The following CLEC7A variants were observed in gnomAD, a reference collection of about 807,000 sequenced individuals.
The protein encoded by CLEC7A is C-type lectin domain family 7 member A.
In CLEC7A, 25 loss-of-function variants were observed where a neutral mutation model predicts 26.9. The ratio of observed to expected loss-of-function variants is 0.93; its 90% CI spans 0.68 to 1.30. The LOEUF (loss-of-function observed/expected upper bound fraction) is 1.30. CLEC7A is among the 50% of genes most tolerant of loss of function. The pLI is 0.00. For missense variants in CLEC7A, 275 were observed against 286.7 expected, an observed-to-expected ratio of 0.96 and a Z score of 0.29; for synonymous variants, 100 against 99.5, an observed-to-expected ratio of 1.01 and a Z score of -0.03.
chr12:10,126,943 G>T, intron 2 of CLEC7A: 1 of 909,442 alleles, frequency 1.1e-6, no homozygotes, highest in Non-Finnish European at 1.5e-6. Flanking sequence ...GAAAAAAGAA[G>T]GTGGAGAAGA....
intron 2 of CLEC7A, chr12:10,126,944 G>A: frequency 1.1e-6 from 1 of 923,850 alleles, no homozygotes; most frequent in Non-Finnish European, 1.5e-6. Context: ...AAAAAAGAAG[G>A]TGGAGAAGAA....
chr12:10,118,595 T>TA lies in CLEC7A; in HGVS notation c.612-6dup. The TA allele has an allele frequency of 6.2e-7, 1 of 1,610,940 alleles. No homozygotes were observed. The highest frequency in any genetic ancestry group is 8.5e-7 in the Non-Finnish European group (1 of 1,178,048). On this transcript the variant is annotated splice_polypyrimidine_tract_variant and splice_region_variant and intron_variant, in intron 5 of 5. Coordinates refer to ENST00000304084, the MANE Select transcript of CLEC7A (RefSeq NM_197947.3). ...GCTGTGGTTCTGATCTGAAATCTGT[T>TA]AAAATAGAATACAGTGAGGTAATTA...
In CLEC7A at chr12:10,125,564, A is replaced by G. The variant is rs191029355; in HGVS notation, c.341-116T>C. On this transcript the variant is annotated intron_variant, in intron 3 of 5. Transcript: ENST00000304084. ...ATAACCAATTAGTTGCCATTTTTAT[A>G]TTTCATTGTCAATTCGAACTACAGG... is the stretch of plus-strand genomic sequence containing the variant. The G allele has an allele frequency of 1.1e-5, 8 of 758,390 alleles. No individual in the cohort carries two copies. The East Asian group carries it at 2.3e-4, about 22-fold the overall frequency. 47.0% of individuals were successfully genotyped at this position (758,390 alleles called of 1,614,324 possible).
At position 10,127,865 on chromosome 12, in the gene CLEC7A, A is replaced by G; in HGVS notation, c.104-20T>C. On this transcript the variant is annotated intron_variant, in intron 1 of 5. Coordinates refer to ENST00000304084, the MANE Select transcript of CLEC7A (RefSeq NM_197947.3). ...ACGATCCTGAGGAGCCAGAGGGGGCAGAAATGGAATAAAGAAAGAGAATGA... is the reference window on the plus strand; with the variant it reads ...ACGATCCTGAGGAGCCAGAGGGGGCGGAAATGGAATAAAGAAAGAGAATGA... The G allele has an allele frequency of 6.8e-7, 1 of 1,460,586 alleles. No individual in the cohort carries two copies. Among genetic ancestry groups the G allele is most frequent in the Non-Finnish European group, 9.3e-7 (1 of 1,078,778 alleles). 90.5% of individuals were successfully genotyped at this position (1,460,586 alleles called of 1,614,324 possible).
At chr12:10,119,129 G>A (rs1591939899) in intron 5 of CLEC7A, among the ~76,000 whole-genome samples, 1 of 152,188 alleles carries the variant, frequency 6.6e-6, no homozygotes, top group East Asian at 1.9e-4. Flanking sequence ...GACAGTTATG[G>A]AAATCAACAC....
intron 4 of CLEC7A, among the ~76,000 whole-genome samples, chr12:10,123,767 C>CAAA (rs372400404): frequency 3.2e-5 from 4 of 124,696 alleles, no homozygotes; most frequent in Non-Finnish European, 4.6e-5. Context: ...GACTCCGTCT[C>CAAA]AAAAAAAAAA....
Position 10,117,140 on chromosome 12 carries a change from A to G in CLEC7A, c.*1318T>C, listed in dbSNP as rs969932268. On this transcript the variant is annotated 3_prime_UTR_variant, in exon 6 of 6. Coordinates refer to ENST00000304084, the MANE Select transcript of CLEC7A (RefSeq NM_197947.3). ...TTCCAATGAGGTTGGTTACTTTTTT[A>G]TATTCATCATCAGATTTTATGTATT... 1 of 152,220 alleles carries G rather than the reference A, an allele frequency of 6.6e-6. No homozygotes were observed. The highest frequency in any genetic ancestry group is 1.5e-5 in the Non-Finnish European group (1 of 68,028). 9.4% of individuals were successfully genotyped at this position (152,220 alleles called of 1,614,324 possible).
At chr12:10,123,498 A>G (rs570695810) in intron 4 of CLEC7A, 135 bp from the exon 5 acceptor site, 48 of 630,222 alleles carry the variant, frequency 7.6e-5, no homozygotes, top group Non-Finnish European at 1.2e-4. Context: ...GCGGTGGCTC[A>G]CGCCTGTAAT....
chr12:10,123,427 C>A, intron 4 of CLEC7A, 64 bp from the exon 5 acceptor site: 1 of 1,017,684 alleles, frequency 9.8e-7, no homozygotes, highest in Non-Finnish European at 1.5e-6. Context: ...AAACTATTAT[C>A]ATGGACGCTG....
intron 3 of CLEC7A, 60 bp downstream of exon 3, chr12:10,126,511 C>A: frequency 6.5e-7 from 1 of 1,535,152 alleles, no homozygotes; most frequent in Non-Finnish European, 8.8e-7. Context: ...CTGCCCCAGG[C>A]TTCAGCACCA....
intron 5 of CLEC7A, among the ~76,000 whole-genome samples, chr12:10,119,447 TTAAATAAA>T (rs1414369382): frequency 6.6e-6 from 1 of 152,196 alleles, no homozygotes; most frequent in Non-Finnish European, 1.5e-5. Context: ...CACAGCTAGA[TTAAATAAA>T]TGCCACCCGG....
chr12:10,129,490 GA>G (rs2137471700), intron 1 of CLEC7A, among the ~76,000 whole-genome samples: 1 of 152,240 alleles, frequency 6.6e-6, no homozygotes, highest in African/African-American at 2.4e-5. Context: ...TAATTTTCAT[GA>G]AAAAAGGTTT....
chr12:10,128,378 A>T (rs74060579), intron 1 of CLEC7A, among the ~76,000 whole-genome samples: 7,674 of 152,132 alleles, frequency 0.05, 674 homozygotes, highest in African/African-American at 0.17. Flanking sequence ...CAATTGCTGG[A>T]ATTGTAATTT....
At chr12:10,125,043 A>G (rs768939207) in intron 4 of CLEC7A, 33 of 463,420 alleles carry the variant, frequency 7.1e-5, no homozygotes, top group Non-Finnish European at 1.1e-4. Flanking sequence ...TGAAAAATAC[A>G]AAAAAACATT....
rs1312148411 is a variant in CLEC7A, at chr12:10,126,638, G to T, written c.273C>A (p.Asn91Lys). ...NGYFLSRNKE[N>K]HSQPTQSSLE... Reference sequence around the variant, plus strand: ...AAGATGATTGTGTGGGTTGACTGTGGTTCTCTTTATTTCTTGATAGAAAGT... The same window carrying T: ...AAGATGATTGTGTGGGTTGACTGTGTTTCTCTTTATTTCTTGATAGAAAGT... The change falls in exon 3 of 6, where the codon AAC (asparagine) becomes AAA (lysine). Residue 91 changes from asparagine (N) to lysine (K), a missense_variant. Transcript: ENST00000304084. The T allele has an allele frequency of 1.2e-6, 2 of 1,612,754 alleles. No individual in the cohort carries two copies. The highest frequency in any genetic ancestry group is 2.7e-5 in the African/African-American group (2 of 74,816).
At chr12:10,124,100 A>T (rs909350631) in intron 4 of CLEC7A, among the ~76,000 whole-genome samples, 3 of 152,242 alleles carry the variant, frequency 2.0e-5, no homozygotes, top group African/African-American at 7.2e-5. Context: ...GTCCAACTGT[A>T]TATTTTATGA....
chr12:10,120,454 G>A (rs1948042095), intron 5 of CLEC7A, among the ~76,000 whole-genome samples: 1 of 152,074 alleles, frequency 6.6e-6, no homozygotes, highest in Non-Finnish European at 1.5e-5. Flanking sequence ...GGAAATATCA[G>A]TCTTAAGAAA....
chr12:10,120,763 T>TTTTTC (rs1591943737), intron 5 of CLEC7A, among the ~76,000 whole-genome samples: 2 of 149,624 alleles, frequency 1.3e-5, no homozygotes, highest in African/African-American at 4.9e-5. Context: ...TTTTCTTTTT[T>TTTTTC]TTTTTTTTTA....
At chr12:10,122,187 GCA>G (rs58931462) in intron 5 of CLEC7A, among the ~76,000 whole-genome samples, 4 of 151,828 alleles carry the variant, frequency 2.6e-5, no homozygotes, top group Admixed American at 1.3e-4. Context: ...ACACAGGTGT[GCA>G]CACACACACT....
Sources: gnomAD v4.1 joint callset for allele counts (sites outside exome capture counted in the v4.1 genomes callset) on GRCh38, gnomAD v4.1.1 for gene constraint, MANE v1.5 for transcripts, NCBI Gene and HGNC (gene_info 2026-07-23, HGNC 2026-07-21) for gene names.